NREP: variants seen among roughly 807,000 people sequenced by gnomAD.
NREP encodes the protein neuronal regeneration-related protein.
Under a neutral mutation model 8.6 loss-of-function variants are expected in NREP, and 5 were observed. That is an observed-to-expected ratio of 0.58 (90% CI 0.30 to 1.22). The LOEUF is 1.22. NREP is among the 50% of genes most tolerant of loss of function. The pLI is 0.07. For synonymous variants in NREP, 27 were observed against 28.0 expected (o/e 0.96, Z 0.11); for missense variants, 86 against 82.5 (o/e 1.04, Z -0.17).
rs370316055 is a variant in NREP, at chr5:111,921,838, A to T, written c.135+53436T>A. Among the ~76,000 whole-genome samples the T allele has an allele frequency of 1.1e-4, 17 of 152,236 alleles. No individual in the cohort carries two copies. In the East Asian group the frequency reaches 1.6e-3, roughly 14 times the overall value. On this transcript the variant is annotated intron_variant, in intron 2 of 3. Transcript: ENST00000395634. ...AATGGGGGTCAGTCTTTCCTGTGCT[A>T]TTCTCATGACAGTGAATAAGTCTCA...
chr5:111,900,539 G>C (rs1407696114), intron 2 of NREP, among the ~76,000 whole-genome samples: 1 of 151,854 alleles, frequency 6.6e-6, no homozygotes, highest in Non-Finnish European at 1.5e-5. Context: ...GAAAAAAAGA[G>C]TAAATGTCCA....
chr5:111,744,800 A>G (rs1581062809), intron 2 of NREP, among the ~76,000 whole-genome samples: 1 of 152,284 alleles, frequency 6.6e-6, no homozygotes, highest in East Asian at 1.9e-4. Context: ...AGTTCCCTAG[A>G]AAAAGAATCA....
At chr5:111,876,091 G>A (rs972125703) in intron 2 of NREP, among the ~76,000 whole-genome samples, 1 of 152,146 alleles carries the variant, frequency 6.6e-6, no homozygotes, top group African/African-American at 2.4e-5. Flanking sequence ...TTCAGCATGA[G>A]CTGTACTATA....
At chr5:111,839,122 C>T (rs1752964818) in intron 2 of NREP, among the ~76,000 whole-genome samples, 1 of 152,096 alleles carries the variant, frequency 6.6e-6, no homozygotes, top group Admixed American at 6.6e-5. Context: ...CATACTCAGA[C>T]TTCATCTTCA....
chr5:111,944,828 TAC>T (rs1755931957), intron 2 of NREP, among the ~76,000 whole-genome samples: 2 of 152,202 alleles, frequency 1.3e-5, no homozygotes, highest in South Asian at 4.1e-4. Flanking sequence ...TAACCTAACC[TAC>T]AGTCCCCTGC....
chr5:111,882,031 C>G (rs938070813), intron 2 of NREP, among the ~76,000 whole-genome samples: 2 of 152,054 alleles, frequency 1.3e-5, no homozygotes, highest in Non-Finnish European at 2.9e-5. Context: ...CAAACTACTC[C>G]GAGCTACAGG....
At chr5:111,917,016 A>G (rs1344027696) in intron 2 of NREP, among the ~76,000 whole-genome samples, 6 of 152,080 alleles carry the variant, frequency 3.9e-5, no homozygotes, top group Non-Finnish European at 7.4e-5. Flanking sequence ...TGGAGATCCA[A>G]TGTGGCATTT....
At chr5:111,795,302 T>C (rs557337676) in intron 2 of NREP, among the ~76,000 whole-genome samples, 5 of 152,326 alleles carry the variant, frequency 3.3e-5, no homozygotes, top group East Asian at 1.9e-4. Flanking sequence ...TGCTCCAGAC[T>C]GTGATTCCTG....
At chr5:111,907,791 A>G (rs1258637181) in intron 2 of NREP, among the ~76,000 whole-genome samples, 1 of 151,978 alleles carries the variant, frequency 6.6e-6, no homozygotes, top group Non-Finnish European at 1.5e-5. Context: ...CACTTCTTCC[A>G]AGAAGTCTTT....
At chr5:111,798,090 T>G (rs1203619660) in intron 2 of NREP, among the ~76,000 whole-genome samples, 1 of 152,210 alleles carries the variant, frequency 6.6e-6, no homozygotes, top group African/African-American at 2.4e-5. Flanking sequence ...ATTTAATGAC[T>G]TAACTTGGAT....
chr5:111,760,855 G>T (rs255900), upstream of NREP, among the ~76,000 whole-genome samples: 1 of 152,122 alleles, frequency 6.6e-6, no homozygotes, highest in Non-Finnish European at 1.5e-5. Context: ...CAGTAGAAAA[G>T]GATGTACTTT....
At chr5:111,975,407 T>A in intron 1 of NREP, 1 of 1,506,736 alleles carries the variant, frequency 6.6e-7, no homozygotes, top group Non-Finnish European at 9.0e-7. Context: ...GTAGAAAACG[T>A]GAGCACTGAC....
intron 2 of NREP, among the ~76,000 whole-genome samples, chr5:111,748,810 C>A (rs1042571709): frequency 6.6e-6 from 1 of 152,094 alleles, no homozygotes. Flanking sequence ...AAAGGTGTTG[C>A]TCAGTTACTA....
intron 2 of NREP, among the ~76,000 whole-genome samples, chr5:111,910,537 G>A (rs917892405): frequency 2.0e-5 from 3 of 151,934 alleles, no homozygotes; most frequent in African/African-American, 4.8e-5. Flanking sequence ...AGAAACTTAT[G>A]GAAAATTATA....
At chr5:111,941,485 C>G (rs1407728872) in intron 2 of NREP, among the ~76,000 whole-genome samples, 1 of 152,060 alleles carries the variant, frequency 6.6e-6, no homozygotes, top group African/African-American at 2.4e-5. Flanking sequence ...CATGGTCTTT[C>G]CTCTGTACCT....
chr5:111,957,588 C>T (rs1756359754), intron 2 of NREP, among the ~76,000 whole-genome samples: 1 of 110,970 alleles, frequency 9.0e-6, no homozygotes, highest in Non-Finnish European at 1.8e-5. Context: ...TTACACCAAA[C>T]CAAGATAGAG....
At chr5:111,897,370 A>C (rs200408908) in intron 2 of NREP, among the ~76,000 whole-genome samples, 1 of 152,186 alleles carries the variant, frequency 6.6e-6, no homozygotes. Context: ...CTACAAGGCA[A>C]CTCACACTAT....
At chr5:111,875,950 C>T (rs1057479496) in intron 2 of NREP, among the ~76,000 whole-genome samples, 1 of 152,188 alleles carries the variant, frequency 6.6e-6, no homozygotes, top group Admixed American at 6.6e-5. Flanking sequence ...GGGTTTTATA[C>T]ATGAGCTGGT....
intron 2 of NREP, among the ~76,000 whole-genome samples, chr5:111,808,053 T>C (rs1307664592): frequency 1.3e-5 from 2 of 152,236 alleles, no homozygotes; most frequent in African/African-American, 4.8e-5. Flanking sequence ...TCAATAGTTC[T>C]GTAGTCTTTT....
Sources: allele counts gnomAD v4.1 joint callset (sites outside exome capture counted in the v4.1 genomes callset), GRCh38; gene constraint gnomAD v4.1.1; transcripts MANE v1.5; gene names NCBI Gene and HGNC (gene_info 2026-07-23, HGNC 2026-07-21).